UBR2: variants seen among roughly 807,000 people sequenced by gnomAD.
The protein encoded by UBR2 is ubiquitin protein ligase E3 component n-recognin 2.
Under a neutral mutation model 247.9 loss-of-function variants are expected in UBR2, and 92 were observed. That is an observed-to-expected ratio of 0.37 (90% confidence interval 0.31 to 0.44). The LOEUF (loss-of-function observed/expected upper bound fraction) is 0.44. Ranked by LOEUF, UBR2 falls within the 20% of genes least tolerant of loss-of-function variation. UBR2 has a pLI of 1.00. For synonymous variants in UBR2, 672 were observed against 693.5 expected (o/e 0.97, Z 0.49); for missense variants, 1,613 against 2,112.6 (o/e 0.76, Z 4.64).
At chr6:42,598,203 G>A (rs1374944350) in intron 4 of UBR2, among the ~76,000 whole-genome samples, 1 of 151,974 alleles carries the variant, frequency 6.6e-6, no homozygotes, top group East Asian at 1.9e-4. Flanking sequence ...CTGTTCTTGT[G>A]TCTGTTTTTA....
chr6:42,682,914 A>G, intron 42 of UBR2, 141 bp from the exon 43 acceptor site: 1 of 669,366 alleles, frequency 1.5e-6, no homozygotes, highest in Non-Finnish European at 2.5e-6. Flanking sequence ...GCAAAATAGT[A>G]TTTCTACAGG....
intron 13 of UBR2, among the ~76,000 whole-genome samples, chr6:42,633,965 A>G (rs1795927589): frequency 6.6e-6 from 1 of 152,088 alleles, no homozygotes; most frequent in South Asian, 2.1e-4. Context: ...TGCTGACCTC[A>G]AGTGATCCGC....
At chr6:42,648,873 G>A (rs561000389) in intron 22 of UBR2, among the ~76,000 whole-genome samples, 27 of 151,506 alleles carry the variant, frequency 1.8e-4, no homozygotes, top group African/African-American at 4.4e-4. Context: ...GGTTCATTTC[G>A]TATTTACTAT....
intron 5 of UBR2, among the ~76,000 whole-genome samples, chr6:42,604,060 A>G (rs969995941): frequency 6.6e-6 from 1 of 152,228 alleles, no homozygotes; most frequent in Admixed American, 6.5e-5. Context: ...TAATATCATT[A>G]TAGGAAATAA....
intron 25 of UBR2, among the ~76,000 whole-genome samples, chr6:42,652,918 T>C (rs1797207739): frequency 6.6e-6 from 1 of 152,226 alleles, no homozygotes; most frequent in African/African-American, 2.4e-5. Flanking sequence ...GATATTGATA[T>C]AATGTGTTAT....
rs527608850 is a variant in UBR2 at position 42,581,139 on chromosome 6, A to G, written c.338+7146A>G. On this transcript the variant is annotated intron_variant, in intron 2 of 46. Coordinates refer to ENST00000372901, the MANE Select transcript of UBR2 (RefSeq NM_001363705.2). ...ACCTTTCCTCCTGCCTCAGCCTCCC[A>G]AATAGCTAGGATCACATGTGTCTGT... Among the ~76,000 whole-genome samples the G allele has an allele frequency of 8.0e-5, 12 of 149,258 alleles. No homozygotes were observed. In the South Asian group the frequency reaches 2.5e-3, roughly 31 times the overall value.
Position 42,674,096 on chromosome 6 carries a change from A to T in UBR2, c.4184-30A>T. On this transcript the variant is annotated intron_variant, in intron 37 of 46. Transcript: ENST00000372901. Reference sequence around the variant, plus strand: ...ATTTTAACATGTTGGCATATGAAATATGCTAATGTATTTCTCTTTAAATCT... The same window carrying T: ...ATTTTAACATGTTGGCATATGAAATTTGCTAATGTATTTCTCTTTAAATCT... 8 of 1,599,816 alleles carry T rather than the reference A, an allele frequency of 5.0e-6. No homozygotes were observed. In the South Asian group the frequency reaches 8.9e-5, roughly 18 times the overall value.
At chr6:42,585,374 A>G (rs1792188729) in intron 2 of UBR2, among the ~76,000 whole-genome samples, 1 of 152,168 alleles carries the variant, frequency 6.6e-6, no homozygotes, top group Non-Finnish European at 1.5e-5. Flanking sequence ...TCTGTGTTCC[A>G]TAGAATATAC....
At chr6:42,565,335 G>T (rs1358540904) in intron 1 of UBR2, among the ~76,000 whole-genome samples, 1 of 152,172 alleles carries the variant, frequency 6.6e-6, no homozygotes, top group African/African-American at 2.4e-5. Flanking sequence ...TAAAAAGGCT[G>T]CTAGGAAGGG....
At chr6:42,668,768 A>G (rs1266444598) in intron 34 of UBR2, among the ~76,000 whole-genome samples, 1 of 151,748 alleles carries the variant, frequency 6.6e-6, no homozygotes, top group Non-Finnish European at 1.5e-5. Flanking sequence ...TTTTAGAGAC[A>G]GGTTCTATGT....
intron 25 of UBR2, among the ~76,000 whole-genome samples, chr6:42,654,590 T>TG (rs1397616515): frequency 5.3e-5 from 8 of 152,114 alleles, no homozygotes; most frequent in Non-Finnish European, 8.8e-5. Context: ...CCAATCGTCA[T>TG]GGCACATGCT....
intron 22 of UBR2, among the ~76,000 whole-genome samples, 158 bp from the exon 23 acceptor site, chr6:42,650,126 G>A (rs1305821147): frequency 2.0e-5 from 3 of 152,110 alleles, no homozygotes; most frequent in African/African-American, 7.2e-5. Context: ...GTAGAACTCG[G>A]ATTTAGACTG....
chr6:42,602,148 C>T (rs1266484129), intron 4 of UBR2, among the ~76,000 whole-genome samples: 3 of 151,530 alleles, frequency 2.0e-5, no homozygotes, highest in African/African-American at 4.8e-5. Flanking sequence ...GGATTACAGG[C>T]GTGAGCCACC....
chr6:42,660,740 T>A (rs1797746942), intron 30 of UBR2, among the ~76,000 whole-genome samples: 1 of 151,698 alleles, frequency 6.6e-6, no homozygotes, highest in African/African-American at 2.4e-5. Flanking sequence ...GGCAGGTGGA[T>A]CACCTGAGGT....
chr6:42,606,026 C>A (rs1226611066), intron 6 of UBR2, among the ~76,000 whole-genome samples, 167 bp downstream of exon 6: 1 of 152,030 alleles, frequency 6.6e-6, no homozygotes, highest in Admixed American at 6.6e-5. Flanking sequence ...AGGCAGATCA[C>A]GAGGTCAGGA....
rs147846066 is a variant in UBR2 at position 42,685,757 on chromosome 6, A to C, written c.4853+886A>C. Among the ~76,000 whole-genome samples the C allele has an allele frequency of 5.8e-3, 885 of 152,076 alleles. 12 individuals are homozygous for C. The highest frequency in any genetic ancestry group is 0.02 in the African/African-American group (843 of 41,484). ...TATTTAACATACAAGCAGCATAAAG[A>C]ATAATATAATAGGGGAGGCTGAGGT... On this transcript the variant is annotated intron_variant, in intron 44 of 46. Transcript: ENST00000372901.
intron 11 of UBR2, among the ~76,000 whole-genome samples, chr6:42,621,460 TTTTG>T (rs577223174): frequency 4.6e-5 from 7 of 151,530 alleles, no homozygotes; most frequent in Admixed American, 6.6e-5. Flanking sequence ...GCCATTCTTT[TTTTG>T]TTTGTTTGTT....
chr6:42,632,507 A>G (rs1795812077), intron 11 of UBR2, 45 bp from the exon 12 acceptor site: 1 of 1,512,034 alleles, frequency 6.6e-7, no homozygotes, highest in African/African-American at 1.4e-5. Context: ...TCTTCCTAGT[A>G]CATAGTTTTT....
chr6:42,614,100 C>T (rs574590652), intron 8 of UBR2, among the ~76,000 whole-genome samples: 2 of 147,610 alleles, frequency 1.4e-5, no homozygotes, highest in Non-Finnish European at 3.0e-5. Context: ...TTGCGTGAAC[C>T]CAGGAGGCAG....
Sources: gnomAD v4.1 joint callset for allele counts (sites outside exome capture counted in the v4.1 genomes callset) on GRCh38, gnomAD v4.1.1 for gene constraint, MANE v1.5 for transcripts, NCBI Gene and HGNC (gene_info 2026-07-23, HGNC 2026-07-21) for gene names.